Variants in AKAP19 observed in about 807,000 individuals in gnomAD.
The protein encoded by AKAP19 is A-kinase anchoring protein 19.
chr2:189,943,176 C>T, the AKAP19 span, among the ~76,000 whole-genome samples: 6 of 152,182 alleles, frequency 3.9e-5, no homozygotes, highest in Admixed American at 1.3e-4. Flanking sequence ...ATCACAGGCC[C>T]AGAGGCCTAG....
the AKAP19 span, among the ~76,000 whole-genome samples, chr2:190,025,199 C>A: frequency 6.6e-6 from 1 of 152,112 alleles, no homozygotes; most frequent in African/African-American, 2.4e-5. Context: ...ACAGGGTGTT[C>A]TTTCTAAAAG....
chr2:189,925,323 T>C, the AKAP19 span, among the ~76,000 whole-genome samples: 6 of 152,308 alleles, frequency 3.9e-5, no homozygotes, highest in Non-Finnish European at 5.9e-5. Flanking sequence ...TTATAAAATA[T>C]AACTTATGCA....
At chr2:190,087,818 T>C in the AKAP19 span, among the ~76,000 whole-genome samples, 2 of 152,256 alleles carry the variant, frequency 1.3e-5, no homozygotes, top group Non-Finnish European at 1.5e-5. Flanking sequence ...ATAACCTTTC[T>C]AGTCAGAATG....
the AKAP19 span, among the ~76,000 whole-genome samples, chr2:189,926,844 A>G: frequency 6.6e-6 from 1 of 151,134 alleles, no homozygotes; most frequent in Non-Finnish European, 1.5e-5. Context: ...TGGCCTCCGA[A>G]ATTGCTGGGA....
chr2:190,115,469 G>A, the AKAP19 span, among the ~76,000 whole-genome samples: 3 of 141,052 alleles, frequency 2.1e-5, no homozygotes, highest in Admixed American at 7.1e-5. Flanking sequence ...ACAGGCGCCC[G>A]CCACTACGCC....
At chr2:189,983,198 T>C in the AKAP19 span, among the ~76,000 whole-genome samples, 1 of 152,144 alleles carries the variant, frequency 6.6e-6, no homozygotes, top group Non-Finnish European at 1.5e-5. Context: ...GCTCACAACC[T>C]TCGGTACATA....
the AKAP19 span, among the ~76,000 whole-genome samples, chr2:190,006,920 T>G: frequency 2.0e-5 from 3 of 151,526 alleles, no homozygotes; most frequent in Non-Finnish European, 4.4e-5. Flanking sequence ...CTCTGGAGGC[T>G]GAGGCAGGAG....
chr2:189,893,603 G>T, the AKAP19 span, among the ~76,000 whole-genome samples: 1 of 152,140 alleles, frequency 6.6e-6, no homozygotes, highest in Non-Finnish European at 1.5e-5. Flanking sequence ...TGTAAATGCA[G>T]AAATCACCTG....
the AKAP19 span, among the ~76,000 whole-genome samples, chr2:189,970,934 G>T: frequency 1.3e-5 from 2 of 152,098 alleles, no homozygotes; most frequent in Non-Finnish European, 2.9e-5. Context: ...TACTTATGAG[G>T]TTGATCATCT....
chr2:190,097,873 A>G, the AKAP19 span, among the ~76,000 whole-genome samples: 1 of 150,910 alleles, frequency 6.6e-6, no homozygotes, highest in African/African-American at 2.4e-5. Flanking sequence ...AAAAAAAAAA[A>G]AAAAAAAAGA....
At chr2:190,194,487 C>A in the AKAP19 span, among the ~76,000 whole-genome samples, 26 of 135,182 alleles carry the variant, frequency 1.9e-4, no homozygotes, top group African/African-American at 6.9e-4. Flanking sequence ...TACACACACA[C>A]ACACACACAC....
the AKAP19 span, among the ~76,000 whole-genome samples, chr2:190,095,173 G>T: frequency 1.3e-5 from 2 of 152,102 alleles, no homozygotes; most frequent in African/African-American, 4.8e-5. Context: ...AGTGAGCCAA[G>T]ATCACACCAC....
At chr2:190,180,594 T>A in the AKAP19 span, 1 of 985,634 alleles carries the variant, frequency 1.0e-6, no homozygotes, top group Non-Finnish European at 1.2e-6. The surrounding 1 kb of genome is among the most constrained non-coding windows in gnomAD (Gnocchi z 6.8). Context: ...GTGAGGGCGG[T>A]GGCCCAGACC....
the AKAP19 span, among the ~76,000 whole-genome samples, chr2:190,127,935 A>T: frequency 6.6e-6 from 1 of 152,130 alleles, no homozygotes; most frequent in African/African-American, 2.4e-5. Context: ...CATCAACCTG[A>T]GAATTCACAG....
the AKAP19 span, among the ~76,000 whole-genome samples, chr2:190,096,084 A>G: frequency 6.6e-6 from 1 of 152,172 alleles, no homozygotes; most frequent in South Asian, 2.1e-4. Flanking sequence ...GAGTCAAAGA[A>G]GCTGAAGGAG....
At chr2:190,079,890 T>TGTGTGTGTGAGAGA in the AKAP19 span, 1 of 109,434 alleles carries the variant, frequency 9.1e-6, no homozygotes, top group African/African-American at 3.2e-5. Context: ...TGTGTGTGTG[T>TGTGTGTGTGAGAGA]GAGAGAGAGA....
the AKAP19 span, among the ~76,000 whole-genome samples, chr2:190,166,003 A>C: frequency 6.6e-6 from 1 of 152,168 alleles, no homozygotes. Context: ...TTAGAAAAAG[A>C]GTGAGTTTAC....
chr2:190,123,614 C>T, the AKAP19 span, among the ~76,000 whole-genome samples: 1 of 152,138 alleles, frequency 6.6e-6, no homozygotes, highest in Admixed American at 6.5e-5. Context: ...GATGTGAATC[C>T]ATAGCTTCTC....
the AKAP19 span, among the ~76,000 whole-genome samples, chr2:189,950,484 GGCTT>G: frequency 7.2e-5 from 11 of 151,930 alleles, no homozygotes; most frequent in South Asian, 8.3e-4. Context: ...CTTCAGACCA[GGCTT>G]ATCTTAGTCT....
Sources: gnomAD v4.1 joint callset for allele counts (sites outside exome capture counted in the v4.1 genomes callset) on GRCh38, gnomAD v4.1.1 for gene constraint, Gnocchi (gnomAD v3.1) non-coding constraint, MANE v1.5 for transcripts, NCBI Gene and HGNC (gene_info 2026-07-23, HGNC 2026-07-21) for gene names.